TEX14: variants seen among roughly 807,000 people sequenced by gnomAD.
TEX14 encodes the protein testis expressed 14, intercellular bridge forming factor.
A neutral mutation model predicts 178.6 loss-of-function variants in TEX14; 168 were observed. The ratio of observed to expected loss-of-function variants is 0.94; its 90% CI spans 0.83 to 1.07. TEX14 has a LOEUF of 1.07. Ranked by LOEUF, TEX14 falls within the 50% of genes least tolerant of loss-of-function variation. The probability of loss-of-function intolerance (pLI) is 0.00; values close to 1 mark genes in which losing one functional copy is unlikely to be tolerated. For synonymous variants in TEX14, 626 were observed against 634.1 expected (o/e 0.99, Z 0.19); for missense variants, 1,730 against 1,753.6 (o/e 0.99, Z 0.24).
intron 11 of TEX14, among the ~76,000 whole-genome samples, chr17:58,604,621 C>T (rs976683523): frequency 2.7e-5 from 4 of 150,568 alleles, no homozygotes; most frequent in East Asian, 2.0e-4. Context: ...AGTGCAGTGG[C>T]GCTATCTCAG....
intron 1 of TEX14, among the ~76,000 whole-genome samples, chr17:58,664,290 T>A (rs1264559057): frequency 6.6e-6 from 1 of 152,218 alleles, no homozygotes; most frequent in Non-Finnish European, 1.5e-5. Flanking sequence ...CTCTGAGGCC[T>A]CTATGATTAT....
intron 19 of TEX14, among the ~76,000 whole-genome samples, chr17:58,582,120 A>T (rs571605477): frequency 6.6e-6 from 1 of 152,148 alleles, no homozygotes; most frequent in Non-Finnish European, 1.5e-5. Context: ...GCATCATCTT[A>T]CAGATGAGGA....
chr17:58,575,105 T>A (rs1461881269), intron 21 of TEX14, among the ~76,000 whole-genome samples: 1 of 150,622 alleles, frequency 6.6e-6, no homozygotes, highest in South Asian at 2.1e-4. Context: ...AATCCTTCCA[T>A]GTTTTCACTT....
chr17:58,620,312 C>T (rs1396989028), intron 5 of TEX14, among the ~76,000 whole-genome samples: 1 of 151,942 alleles, frequency 6.6e-6, no homozygotes, highest in Non-Finnish European at 1.5e-5. Context: ...AACCTGATTT[C>T]CATTATTTTA....
At chr17:58,643,500 C>T (rs1469343758) in intron 2 of TEX14, among the ~76,000 whole-genome samples, 2 of 151,874 alleles carry the variant, frequency 1.3e-5, no homozygotes, top group Non-Finnish European at 2.9e-5. Context: ...GCTGCAGTGG[C>T]ATGTGAGTCT....
intron 2 of TEX14, chr17:58,631,961 T>C (rs932903847): frequency 6.6e-6 from 1 of 152,240 alleles, no homozygotes; most frequent in Admixed American, 6.5e-5. Context: ...AAACGATCTT[T>C]CCACTACCAA....
chr17:58,670,576 C>A (rs1421922469), intron 1 of TEX14, among the ~76,000 whole-genome samples: 2 of 151,648 alleles, frequency 1.3e-5, no homozygotes, highest in Non-Finnish European at 2.9e-5. Flanking sequence ...GTGTTTGAGA[C>A]CAGCCTGGCC....
chr17:58,624,919 T>G (rs191572350), intron 3 of TEX14, among the ~76,000 whole-genome samples: 4 of 152,278 alleles, frequency 2.6e-5, no homozygotes, highest in Admixed American at 6.5e-5. Flanking sequence ...GGTTTGGTTT[T>G]GTTTTTCAAA....
intron 1 of TEX14, among the ~76,000 whole-genome samples, chr17:58,670,206 G>A (rs1170676599): frequency 3.3e-5 from 5 of 152,132 alleles, no homozygotes; most frequent in Admixed American, 3.3e-4. Context: ...ATTCCACTGT[G>A]TGATTATCAG....
chr17:58,623,473 C>T (rs960382523), intron 3 of TEX14, among the ~76,000 whole-genome samples: 12 of 152,166 alleles, frequency 7.9e-5, no homozygotes, highest in African/African-American at 2.9e-4. Flanking sequence ...CCACAGCCCC[C>T]CAAGAAAATC....
chr17:58,691,092 G>A (rs2047704362), intron 1 of TEX14, among the ~76,000 whole-genome samples: 1 of 151,962 alleles, frequency 6.6e-6, no homozygotes, highest in South Asian at 2.1e-4. Context: ...TGAGCTCAAA[G>A]AGATCCACCT....
rs773868212 is a variant in TEX14, at chr17:58,564,919, A to G, written c.4014T>C (p.Ser1338=). The part of the protein sequence containing the change: ...EQETDSKKED[S]SMLLSKETED... ...CAGTTTCTTTGGACAAAAGCATACT[A>G]CTATCTTCTTTTTTACTGTCAGTTT... The change falls in exon 28 of 32, where the codon AGT becomes AGC. Residue 1338 remains serine (S), a synonymous_variant. Transcript: ENST00000349033. 11 of 1,608,400 alleles carry G rather than the reference A, an allele frequency of 6.8e-6. No homozygotes were observed. Among genetic ancestry groups the G allele is most frequent in the Middle Eastern group, 1.7e-4 (1 of 6,042 alleles).
At chr17:58,619,169 C>A (rs1453349847) in intron 5 of TEX14, among the ~76,000 whole-genome samples, 4 of 152,238 alleles carry the variant, frequency 2.6e-5, no homozygotes, top group Non-Finnish European at 5.9e-5. Context: ...GCCTTCCACT[C>A]TGGGGCCTCT....
At chr17:58,561,702 C>A in intron 28 of TEX14, 90 bp from the exon 29 acceptor site, 1 of 835,370 alleles carries the variant, frequency 1.2e-6, no homozygotes, top group Non-Finnish European at 2.0e-6. Context: ...TAGAAAGGGA[C>A]CTTAAAACCT....
chr17:58,559,790 G>T (rs879293323), intron 29 of TEX14, among the ~76,000 whole-genome samples: 39 of 152,086 alleles, frequency 2.6e-4, no homozygotes, highest in Non-Finnish European at 4.7e-4. Flanking sequence ...TCCCCATTAA[G>T]CAATGAGGAA....
chr17:58,666,710 T>C (rs2047219218), intron 1 of TEX14: 2 of 152,196 alleles, frequency 1.3e-5, no homozygotes, highest in African/African-American at 4.8e-5. Context: ...GGTACTTGCG[T>C]GACCCCAGCA....
Position 58,655,087 on chromosome 17 carries a change from T to C in TEX14, c.-1-3085A>G, listed in dbSNP as rs530887586. ...TCTTGCTCTGTTGCCCAGGCTGAAGTGCAGTGGTGAGAATGGCTGAAGTGC... is the reference window on the plus strand; with the variant it reads ...TCTTGCTCTGTTGCCCAGGCTGAAGCGCAGTGGTGAGAATGGCTGAAGTGC... On this transcript the variant is annotated intron_variant, in intron 1 of 31. Coordinates refer to ENST00000349033, the MANE Select transcript of TEX14 (RefSeq NM_031272.5). 2.5e-3 allele frequency among the ~76,000 whole-genome samples: 370 copies of C among 149,574 alleles called. 4 individuals carry two copies. The highest frequency in any genetic ancestry group is 8.8e-3 in the African/African-American group (356 of 40,458).
chr17:58,604,068 AG>A (rs1468672695), intron 11 of TEX14, among the ~76,000 whole-genome samples: 1 of 152,020 alleles, frequency 6.6e-6, no homozygotes, highest in Non-Finnish European at 1.5e-5. Context: ...TAATGGACAC[AG>A]GGTGTGTTTC....
chr17:58,561,622 G>T lies in TEX14; in HGVS notation c.4065-10C>A. The T allele has an allele frequency of 1.9e-6, 3 of 1,583,144 alleles. No homozygotes were observed. Among genetic ancestry groups the T allele is most frequent in the South Asian group, 1.1e-5 (1 of 90,468 alleles). On this transcript the variant is annotated splice_polypyrimidine_tract_variant and intron_variant, in intron 28 of 31. Transcript: ENST00000349033. ...CAGAGTAGAGTGAGCTCTGTTTAAGGACAAGTGAAGAGAATGGAGACAACA... is the reference window on the plus strand; with the variant it reads ...CAGAGTAGAGTGAGCTCTGTTTAAGTACAAGTGAAGAGAATGGAGACAACA...
Sources: allele counts gnomAD v4.1 joint callset (sites outside exome capture counted in the v4.1 genomes callset), GRCh38; gene constraint gnomAD v4.1.1; transcripts MANE v1.5; gene names NCBI Gene and HGNC (gene_info 2026-07-23, HGNC 2026-07-21).